The following PSMB7 variants were observed in gnomAD, a reference collection of about 807,000 sequenced individuals.
PSMB7 encodes proteasome subunit beta type-7.
A neutral mutation model predicts 28.1 loss-of-function variants in PSMB7; 5 were observed. That is an observed-to-expected ratio of 0.18 (90% CI 0.09 to 0.37). The LOEUF is 0.37. PSMB7 is among the 10% of genes least tolerant of loss of function. PSMB7 has a pLI of 1.00. For missense variants in PSMB7, 275 were observed against 346.2 expected, an observed-to-expected ratio of 0.79 and a Z score of 1.63; for synonymous variants, 122 against 123.7, an observed-to-expected ratio of 0.99 and a Z score of 0.09.
chr9:124,406,616 G>A (rs1588582639), intron 4 of PSMB7, among the ~76,000 whole-genome samples: 2 of 150,262 alleles, frequency 1.3e-5, no homozygotes, highest in East Asian at 1.9e-4. Context: ...ATATGAACTC[G>A]TATCAAAAAA....
At chr9:124,410,286 G>A (rs1382485707) in intron 4 of PSMB7, among the ~76,000 whole-genome samples, 2 of 151,624 alleles carry the variant, frequency 1.3e-5, no homozygotes, top group Admixed American at 6.6e-5. Flanking sequence ...GAGCCACCGC[G>A]CCCAGCCGAG....
intron 6 of PSMB7, among the ~76,000 whole-genome samples, chr9:124,374,459 C>T (rs778383495): frequency 3.6e-4 from 55 of 152,114 alleles, no homozygotes; most frequent in Non-Finnish European, 6.9e-4. Context: ...GAACAGTAGA[C>T]CTAAAAAAGT....
chr9:124,375,002 A>G (rs1830595830), intron 6 of PSMB7, among the ~76,000 whole-genome samples: 1 of 151,826 alleles, frequency 6.6e-6, no homozygotes, highest in African/African-American at 2.4e-5. Flanking sequence ...TCAGCCGGGC[A>G]TGGTGGCGCA....
Position 124,414,878 on chromosome 9 carries a change from C to G in PSMB7, c.120G>C (p.Arg40=), listed in dbSNP as rs1441752772. ...CCCCAGCGATGGTCGTGCCAGTTTT[C>G]CGGACCTTTGGAAGCTTGTATCCCC... ...AKRGYKLPKV[R]KTGTTIAGVV... is the part of the protein sequence containing the mutation. Residue 40 remains arginine, a synonymous_variant, in exon 2 of 8, where the codon CGG becomes CGC. Coordinates refer to ENST00000259457, the MANE Select transcript of PSMB7 (RefSeq NM_002799.4). 6.2e-7 allele frequency: 1 copy of G among 1,613,996 alleles called. No homozygotes were observed. The highest frequency in any genetic ancestry group is 1.3e-5 in the African/African-American group (1 of 74,902).
chr9:124,369,773 CCT>C (rs1830543667), intron 6 of PSMB7, among the ~76,000 whole-genome samples: 1 of 152,160 alleles, frequency 6.6e-6, no homozygotes, highest in Admixed American at 6.5e-5. Context: ...CCCTGTCCCA[CCT>C]TTCCTCACAC....
chr9:124,365,039 T>C (rs1049357095), intron 6 of PSMB7, among the ~76,000 whole-genome samples: 2 of 152,178 alleles, frequency 1.3e-5, no homozygotes, highest in African/African-American at 2.4e-5. Flanking sequence ...AGAGTGCTCT[T>C]GTTCTAGGAA....
chr9:124,378,532 G>A (rs1170167895), intron 6 of PSMB7, among the ~76,000 whole-genome samples: 3 of 152,128 alleles, frequency 2.0e-5, no homozygotes, highest in Non-Finnish European at 4.4e-5. Context: ...AGGGTCCTGC[G>A]CACACCACTA....
chr9:124,400,713 T>A (rs1830894310), intron 5 of PSMB7, among the ~76,000 whole-genome samples: 1 of 152,040 alleles, frequency 6.6e-6, no homozygotes, highest in African/African-American at 2.4e-5. Flanking sequence ...CCTCTCTTCC[T>A]TAAATCATCC....
At chr9:124,355,253 T>C (rs1476464697) in intron 7 of PSMB7, among the ~76,000 whole-genome samples, 2 of 152,246 alleles carry the variant, frequency 1.3e-5, no homozygotes, top group Admixed American at 6.5e-5. Context: ...TGGGTCGCCT[T>C]GCTGATTCTT....
chr9:124,398,186 C>A (rs575436888), intron 5 of PSMB7, among the ~76,000 whole-genome samples: 353 of 148,088 alleles, frequency 2.4e-3, no homozygotes, highest in Non-Finnish European at 4.6e-3. Flanking sequence ...AAAAAAAAAA[C>A]CACCAAATTT....
intron 6 of PSMB7, among the ~76,000 whole-genome samples, chr9:124,357,441 AAGTC>A (rs1397568826): frequency 6.6e-6 from 1 of 152,224 alleles, no homozygotes; most frequent in African/African-American, 2.4e-5. Context: ...TTACTTGAGA[AAGTC>A]AGCACTGTAG....
At chr9:124,400,522 C>A (rs1432614263) in intron 5 of PSMB7, among the ~76,000 whole-genome samples, 4 of 152,220 alleles carry the variant, frequency 2.6e-5, no homozygotes, top group Non-Finnish European at 4.4e-5. Flanking sequence ...AAGCACCCAC[C>A]TTCCCCATGA....
rs1023340021 is a variant in PSMB7 at position 124,414,909 on chromosome 9, G to A, written c.89C>T (p.Ala30Val). The change falls in exon 2 of 8, where the codon GCA becomes GTA. Residue 30 changes from alanine to valine, a missense_variant. Around this residue, in one of 2 missense-constraint regions of PSMB7, gnomAD observed 62 missense variants for 43.9 expected, o/e 1.41. Coordinates refer to ENST00000259457, the MANE Select transcript of PSMB7 (RefSeq NM_002799.4). ...RRNAVLEADF[A>V]KRGYKLPKVR... ...CTTTGGAAGCTTGTATCCCCTCTTT[G>A]CAAAATCGGCTTCCAAGACGGCATT... The A allele has an allele frequency of 3.7e-6, 6 of 1,612,528 alleles. No homozygotes were observed. The African/African-American group carries it at 5.3e-5, about 14-fold the overall frequency.
intron 6 of PSMB7, among the ~76,000 whole-genome samples, chr9:124,374,866 G>GC (rs1320236789): frequency 2.2e-4 from 33 of 152,206 alleles, no homozygotes; most frequent in African/African-American, 7.9e-4. Context: ...GATTGGCCAG[G>GC]CACGGTGGCT....
Position 124,356,924 on chromosome 9 carries a change from C to A in PSMB7, c.571-9G>T. 6.2e-7 allele frequency: 1 copy of A among 1,614,146 alleles called. No individual in the cohort carries two copies. The highest frequency in any genetic ancestry group is 1.1e-5 in the South Asian group (1 of 91,080). On this transcript the variant is annotated splice_polypyrimidine_tract_variant and intron_variant, in intron 6 of 7. Transcript: ENST00000259457. This position sits in a 1 kb window ranked among gnomAD's most constrained non-coding sequence, Gnocchi z 4.4. Reference sequence around the variant, plus strand: ...TTCTTGGCTTCCTCCTCCTGAGAAACAGAACGGCGGCAATAATGTCCCCGG... The same window carrying A: ...TTCTTGGCTTCCTCCTCCTGAGAAAAAGAACGGCGGCAATAATGTCCCCGG...
chr9:124,369,666 C>T (rs1274941545), intron 6 of PSMB7, among the ~76,000 whole-genome samples: 3 of 152,262 alleles, frequency 2.0e-5, no homozygotes, highest in Middle Eastern at 3.4e-3. Context: ...CCCAGCTGTC[C>T]CAACTTCCAG....
At position 124,368,177 on chromosome 9, in the gene PSMB7, G is replaced by A. The variant is rs531804454; in HGVS notation, c.571-11262C>T. ...TTACTGTGTGCAGGCTCTGTGCCAAGTACCCAATTCCACACATTTACCCAA... is the reference window on the plus strand; with the variant it reads ...TTACTGTGTGCAGGCTCTGTGCCAAATACCCAATTCCACACATTTACCCAA... On this transcript the variant is annotated intron_variant, in intron 6 of 7. Coordinates refer to ENST00000259457, the MANE Select transcript of PSMB7 (RefSeq NM_002799.4). 1.0e-3 allele frequency among the ~76,000 whole-genome samples: 144 copies of A among 139,774 alleles called. 1 individual carries two copies. Among genetic ancestry groups the A allele is most frequent in the Non-Finnish European group, 2.0e-3 (124 of 62,374 alleles). The allele number at this position is 139,774 out of a possible 152,430, so 91.7% of individuals were successfully genotyped here.
Position 124,356,462 on chromosome 9 carries a change from A to C in PSMB7, c.722+302T>G, listed in dbSNP as rs1218383558. On this transcript the variant is annotated intron_variant, in intron 7 of 7. Transcript: ENST00000259457. The surrounding 1 kb of genome is among the most constrained non-coding windows in gnomAD (Gnocchi z 4.4). Reference sequence around the variant, plus strand: ...TCTCCCAGAAATCAGGGGATTCTTTAAGACACTTGAGAAAGGACAGCAGAT... The same window carrying C: ...TCTCCCAGAAATCAGGGGATTCTTTCAGACACTTGAGAAAGGACAGCAGAT... 6.6e-6 allele frequency among the ~76,000 whole-genome samples: 1 copy of C among 152,168 alleles called. No individual in the cohort carries two copies. Among genetic ancestry groups the C allele is most frequent in the Non-Finnish European group, 1.5e-5 (1 of 68,016 alleles).
At chr9:124,387,966 T>C (rs1830743458) in intron 5 of PSMB7, among the ~76,000 whole-genome samples, 1 of 151,786 alleles carries the variant, frequency 6.6e-6, no homozygotes, top group Admixed American at 6.6e-5. Flanking sequence ...TAGATACTGG[T>C]CCAACATCCA....
Sources: allele counts gnomAD v4.1 joint callset (sites outside exome capture counted in the v4.1 genomes callset), GRCh38; gene constraint gnomAD v4.1.1; regional missense constraint gnomAD v4.1.1; non-coding constraint Gnocchi (gnomAD v3.1); transcripts MANE v1.5; gene names NCBI Gene and HGNC (gene_info 2026-07-23, HGNC 2026-07-21).